The following TTLL13 variants were observed in gnomAD, a reference collection of about 807,000 sequenced individuals.
TTLL13 encodes tubulin tyrosine ligase like 13.
chr15:90,255,694 T>C, the TTLL13 span: 2 of 1,609,646 alleles, frequency 1.2e-6, no homozygotes, highest in Non-Finnish European at 1.7e-6. Flanking sequence ...CTTCCTGGGA[T>C]GCCCAGGTGC....
At chr15:90,263,297 G>T in the TTLL13 span, 1 of 668,446 alleles carries the variant, frequency 1.5e-6, no homozygotes. Context: ...TTGGGAGAGG[G>T]TCTGTTGATT....
At chr15:90,250,070 C>T in the TTLL13 span, among the ~76,000 whole-genome samples, 28,582 of 151,398 alleles carry the variant, frequency 0.19, 3,229 homozygotes, top group African/African-American at 0.3. Flanking sequence ...TGATTCTCCT[C>T]CCTCAGCCTC....
the TTLL13 span, chr15:90,255,933 G>T: frequency 2.5e-6 from 4 of 1,613,012 alleles, no homozygotes; most frequent in East Asian, 4.5e-5. Context: ...GGAGGAAAAG[G>T]GTCGCTCTCA....
At chr15:90,264,013 G>A in the TTLL13 span, 1 of 1,536,040 alleles carries the variant, frequency 6.5e-7, no homozygotes. Context: ...AATGAAGAAG[G>A]CTGGGAGGTG....
chr15:90,254,527 G>T, the TTLL13 span, among the ~76,000 whole-genome samples: 3 of 146,972 alleles, frequency 2.0e-5, no homozygotes, highest in East Asian at 6.4e-4. Flanking sequence ...TCCAAAGGAG[G>T]GGCATTTGTA....
the TTLL13 span, chr15:90,257,839 T>C: frequency 1.8e-6 from 2 of 1,088,796 alleles, no homozygotes; most frequent in Non-Finnish European, 2.7e-6. Context: ...TCAGCCTTTA[T>C]AGACCCTGTC....
At chr15:90,263,868 T>C in the TTLL13 span, 1 of 969,630 alleles carries the variant, frequency 1.0e-6, no homozygotes, top group South Asian at 1.4e-5. Context: ...TTCTGCCCCA[T>C]GAATCAATCC....
At chr15:90,250,905 C>G in the TTLL13 span, 1 of 1,610,944 alleles carries the variant, frequency 6.2e-7, no homozygotes, top group African/African-American at 1.3e-5. Context: ...TTCCCTAGAT[C>G]CCCTCAACTG....
the TTLL13 span, among the ~76,000 whole-genome samples, chr15:90,264,238 C>A: frequency 7.4e-3 from 1,130 of 152,256 alleles, 21 homozygotes; most frequent in African/African-American, 0.026. Context: ...GTCGCCAAGG[C>A]TGAAGTACAA....
the TTLL13 span, chr15:90,263,239 T>C: frequency 8.4e-7 from 1 of 1,186,816 alleles, no homozygotes; most frequent in Non-Finnish European, 1.1e-6. Context: ...GCTTGTGTGA[T>C]GGTATCTGTC....
the TTLL13 span, chr15:90,258,198 A>T: frequency 2.5e-6 from 4 of 1,614,272 alleles, no homozygotes; most frequent in Non-Finnish European, 3.4e-6. Flanking sequence ...GAATGGAGGT[A>T]CATGTGCCTG....
chr15:90,259,895 A>C, the TTLL13 span, among the ~76,000 whole-genome samples: 4 of 152,254 alleles, frequency 2.6e-5, no homozygotes, highest in African/African-American at 9.6e-5. Flanking sequence ...ATACATACAA[A>C]TGAATTTCAG....
the TTLL13 span, among the ~76,000 whole-genome samples, chr15:90,264,559 A>AAAAGACATACCAT: frequency 1.3e-5 from 2 of 152,210 alleles, no homozygotes; most frequent in Non-Finnish European, 2.9e-5. Flanking sequence ...AACATGGACA[A>AAAAGACATACCAT]AAAGACATAC....
At chr15:90,251,492 T>G in the TTLL13 span, 1 of 1,490,420 alleles carries the variant, frequency 6.7e-7, no homozygotes, top group South Asian at 1.1e-5. Flanking sequence ...TGGATGTCTT[T>G]TCATCTGAGT....
At chr15:90,250,587 T>C in the TTLL13 span, 2 of 1,592,450 alleles carry the variant, frequency 1.3e-6, no homozygotes, top group South Asian at 1.1e-5. Context: ...TGAGGTCTGA[T>C]ATACACTTCA....
the TTLL13 span, chr15:90,250,964 G>A: frequency 2.0e-6 from 3 of 1,527,278 alleles, 1 homozygote; most frequent in South Asian, 2.5e-5. Flanking sequence ...ATCTGGAGGA[G>A]CTGGGATCTC....
chr15:90,265,421 G>A, the TTLL13 span: 2 of 1,283,204 alleles, frequency 1.6e-6, no homozygotes, highest in Admixed American at 4.0e-5. Flanking sequence ...CCGCTGGGGC[G>A]GAGGGACGGC....
At chr15:90,256,793 A>G in the TTLL13 span, among the ~76,000 whole-genome samples, 6 of 151,684 alleles carry the variant, frequency 4.0e-5, no homozygotes, top group East Asian at 3.9e-4. Flanking sequence ...GGTTCAAGCA[A>G]TTCTCTGCCT....
At chr15:90,262,407 T>C in the TTLL13 span, 2 of 1,360,790 alleles carry the variant, frequency 1.5e-6, no homozygotes, top group Non-Finnish European at 1.9e-6. Flanking sequence ...TGTAATTTCC[T>C]GCTCTTTCCT....
Sources: gnomAD v4.1 joint callset for allele counts (sites outside exome capture counted in the v4.1 genomes callset) on GRCh38, gnomAD v4.1.1 for gene constraint, MANE v1.5 for transcripts, NCBI Gene and HGNC (gene_info 2026-07-23, HGNC 2026-07-21) for gene names.